Variants in GFOD1 observed in about 807,000 individuals in gnomAD.
GFOD1 encodes the protein Gfo/Idh/MocA-like oxidoreductase domain containing 1.
A neutral mutation model predicts 25.4 loss-of-function variants in GFOD1; 9 were observed. That is an observed-to-expected ratio of 0.35 (90% CI 0.21 to 0.62). The LOEUF (loss-of-function observed/expected upper bound fraction) is 0.62. Ranked by LOEUF, GFOD1 falls within the 20% of genes least tolerant of loss-of-function variation. The probability of loss-of-function intolerance (pLI) is 0.72; values close to 1 mark genes in which losing one functional copy is unlikely to be tolerated. For missense variants in GFOD1, 403 were observed against 556.9 expected (o/e 0.72, Z 2.78); for synonymous variants, 253 against 245.6 (o/e 1.03, Z -0.28).
chr6:13,402,859 C>G (rs1156418381), intron 1 of GFOD1, among the ~76,000 whole-genome samples: 2 of 152,148 alleles, frequency 1.3e-5, no homozygotes, highest in Non-Finnish European at 2.9e-5. Context: ...GAAAGGTACT[C>G]AAACAAATAC....
At chr6:13,425,519 T>C (rs1466099371) in intron 1 of GFOD1, among the ~76,000 whole-genome samples, 1 of 152,194 alleles carries the variant, frequency 6.6e-6, no homozygotes, top group Non-Finnish European at 1.5e-5. Flanking sequence ...CTCAAAAATC[T>C]ATTTGAAAAT....
chr6:13,469,651 A>G, intron 1 of GFOD1: 1 of 1,155,412 alleles, frequency 8.7e-7, no homozygotes, highest in Non-Finnish European at 1.1e-6. Context: ...AATCTAAGAC[A>G]CTACTGCAAA....
At chr6:13,421,096 T>C (rs1342858687) in intron 1 of GFOD1, among the ~76,000 whole-genome samples, 1 of 152,156 alleles carries the variant, frequency 6.6e-6, no homozygotes, top group African/African-American at 2.4e-5. Context: ...CATTGTTATT[T>C]TGAATAATTA....
At position 13,436,887 on chromosome 6, in the gene GFOD1, T is replaced by C. The variant is rs113729719; in HGVS notation, c.253+49751A>G. Among the ~76,000 whole-genome samples the C allele has an allele frequency of 1.2e-3, 186 of 152,326 alleles. 1 individual carries two copies. Among genetic ancestry groups the C allele is most frequent in the African/African-American group, 4.2e-3 (174 of 41,576 alleles). ...CGAGATCATTTTATGTGACATTCTA[T>C]CAAAGGCACTGTGTTCATTCAGAAC... is the stretch of plus-strand genomic sequence containing the variant. On this transcript the variant is annotated intron_variant, in intron 1 of 1. Transcript: ENST00000379287.
intron 1 of GFOD1, among the ~76,000 whole-genome samples, chr6:13,444,279 G>A (rs1376834250): frequency 1.3e-5 from 2 of 151,904 alleles, no homozygotes; most frequent in Non-Finnish European, 2.9e-5. Context: ...AATACCACAT[G>A]TTCTCACTTA....
intron 1 of GFOD1, among the ~76,000 whole-genome samples, chr6:13,410,270 T>A (rs1281608433): frequency 6.6e-6 from 1 of 152,176 alleles, no homozygotes; most frequent in Non-Finnish European, 1.5e-5. Flanking sequence ...GGAAGGAGGC[T>A]CTACCTAATG....
intron 1 of GFOD1, among the ~76,000 whole-genome samples, chr6:13,457,361 A>C (rs1758207335): frequency 6.6e-6 from 1 of 152,220 alleles, no homozygotes; most frequent in Non-Finnish European, 1.5e-5. Context: ...ATGAGAAATC[A>C]GCCTGCCATA....
intron 1 of GFOD1, among the ~76,000 whole-genome samples, chr6:13,451,232 C>T (rs1475304975): frequency 6.6e-6 from 1 of 152,186 alleles, no homozygotes; most frequent in Non-Finnish European, 1.5e-5. Flanking sequence ...GCCTTGAAAA[C>T]CTTTCTCTTC....
At position 13,486,738 on chromosome 6, in the gene GFOD1, G is replaced by A; in HGVS notation, c.153C>T (p.Tyr51=). The A allele has an allele frequency of 2.5e-6, 4 of 1,614,160 alleles. No homozygotes were observed. The highest frequency in any genetic ancestry group is 3.4e-6 in the Non-Finnish European group (4 of 1,180,018). ...GCAGCACCTCATCAATGCGGCTAGT[G>A]TAGAAGGGGACACTCATCTCCTTGG... ...ELAKEMSVPF[Y]TSRIDEVLLH... Residue 51 remains tyrosine (Y), a synonymous_variant, in exon 1 of 2, where the codon TAC becomes TAT. Transcript: ENST00000379287.
At chr6:13,366,313 T>C (rs1218155457) in intron 1 of GFOD1, among the ~76,000 whole-genome samples, 4 of 152,050 alleles carry the variant, frequency 2.6e-5, no homozygotes. Flanking sequence ...CCTGAGTAGC[T>C]AAGACAGTAG....
At chr6:13,485,641 G>A (rs1376286432) in intron 1 of GFOD1, among the ~76,000 whole-genome samples, 1 of 152,200 alleles carries the variant, frequency 6.6e-6, no homozygotes, top group Non-Finnish European at 1.5e-5. Flanking sequence ...AGGCTGAGAG[G>A]CTGCTACTCT....
At chr6:13,401,030 T>C (rs1307816889) in intron 1 of GFOD1, among the ~76,000 whole-genome samples, 1 of 152,188 alleles carries the variant, frequency 6.6e-6, no homozygotes, top group Non-Finnish European at 1.5e-5. Context: ...CAGCATCACA[T>C]ACTTGTGAAG....
chr6:13,401,736 A>G (rs1365125494), intron 1 of GFOD1, among the ~76,000 whole-genome samples: 1 of 152,202 alleles, frequency 6.6e-6, no homozygotes, highest in Non-Finnish European at 1.5e-5. Context: ...TATTGATAAG[A>G]CAGTAATATT....
At position 13,448,425 on chromosome 6, in the gene GFOD1, G is replaced by A. The variant is rs549411105; in HGVS notation, c.253+38213C>T. 2.6e-5 allele frequency among the ~76,000 whole-genome samples: 4 copies of A among 152,284 alleles called. No homozygotes were observed. The East Asian group carries it at 7.7e-4, about 29-fold the overall frequency. The stretch of plus-strand genomic sequence containing the variant: ...ATCCTCCACCCCTATAAGGCACAGA[G>A]CACAGCATGTTCTCTGCACAAAGGA... On this transcript the variant is annotated intron_variant, in intron 1 of 1. Coordinates refer to ENST00000379287, the MANE Select transcript of GFOD1 (RefSeq NM_018988.4).
intron 1 of GFOD1, among the ~76,000 whole-genome samples, chr6:13,465,833 A>G (rs1032068471): frequency 2.0e-5 from 3 of 152,208 alleles, no homozygotes; most frequent in East Asian, 1.9e-4. Context: ...AGGAAAGAGG[A>G]AAAAGATCCA....
chr6:13,457,345 G>C, intron 1 of GFOD1, among the ~76,000 whole-genome samples: 1 of 152,104 alleles, frequency 6.6e-6, no homozygotes, highest in Non-Finnish European at 1.5e-5. Flanking sequence ...TAAACATTTG[G>C]GGATGATGAG....
intron 1 of GFOD1, among the ~76,000 whole-genome samples, chr6:13,416,534 G>T (rs1302113738): frequency 6.6e-6 from 1 of 152,144 alleles, no homozygotes; most frequent in East Asian, 1.9e-4. Context: ...GGGCTTGATG[G>T]GTCCAAGAAA....
intron 1 of GFOD1, among the ~76,000 whole-genome samples, chr6:13,368,302 G>A (rs1410592476): frequency 6.6e-6 from 1 of 152,182 alleles, no homozygotes; most frequent in African/African-American, 2.4e-5. Context: ...CTGGGCTGGT[G>A]CCCCTGATGG....
At chr6:13,392,445 T>C (rs1226905781) in intron 1 of GFOD1, among the ~76,000 whole-genome samples, 1 of 151,892 alleles carries the variant, frequency 6.6e-6, no homozygotes, top group Non-Finnish European at 1.5e-5. Context: ...AAATAAAAAG[T>C]TGTTCTTAAT....
Sources: allele counts gnomAD v4.1 joint callset (sites outside exome capture counted in the v4.1 genomes callset), GRCh38; gene constraint gnomAD v4.1.1; transcripts MANE v1.5; gene names NCBI Gene and HGNC (gene_info 2026-07-23, HGNC 2026-07-21).